Variants in SLC35F3 observed in about 807,000 individuals in gnomAD.
SLC35F3 encodes the protein putative thiamine transporter SLC35F3.
In SLC35F3, 25 loss-of-function variants were observed where a neutral mutation model predicts 49.9. The observed-to-expected ratio is 0.50, with a 90% CI of 0.37 to 0.70. The LOEUF (loss-of-function observed/expected upper bound fraction) is 0.70. SLC35F3 is among the 30% of genes least tolerant of loss of function. The pLI is 0.00. For synonymous variants in SLC35F3, 275 were observed against 265.4 expected, an observed-to-expected ratio of 1.04 and a Z score of -0.35; for missense variants, 525 against 639.8, an observed-to-expected ratio of 0.82 and a Z score of 1.94.
intron 2 of SLC35F3, among the ~76,000 whole-genome samples, chr1:233,947,488 T>G (rs1273841271): frequency 6.6e-6 from 1 of 151,194 alleles, no homozygotes; most frequent in Non-Finnish European, 1.5e-5. Context: ...TCGATCCTGC[T>G]GGGACTCCCA....
chr1:233,944,191 A>G (rs1223852968), intron 2 of SLC35F3, among the ~76,000 whole-genome samples: 1 of 152,222 alleles, frequency 6.6e-6, no homozygotes, highest in Non-Finnish European at 1.5e-5. Flanking sequence ...CCAAAATCAG[A>G]GCTGAACTGA....
At chr1:234,110,480 T>C (rs536901743) in intron 2 of SLC35F3, among the ~76,000 whole-genome samples, 1 of 152,350 alleles carries the variant, frequency 6.6e-6, no homozygotes, top group African/African-American at 2.4e-5. Flanking sequence ...TTTAGCACAG[T>C]GTCTTATACA....
intron 3 of SLC35F3, among the ~76,000 whole-genome samples, chr1:234,259,205 C>T (rs940147559): frequency 1.2e-4 from 19 of 152,176 alleles, no homozygotes; most frequent in Non-Finnish European, 2.5e-4. Flanking sequence ...CTGGAAGATT[C>T]TTATTCCTAT....
chr1:234,003,666 A>G (rs1307316793), intron 2 of SLC35F3, among the ~76,000 whole-genome samples: 1 of 152,220 alleles, frequency 6.6e-6, no homozygotes. Context: ...CTACATTAGC[A>G]TTTAAACCTT....
chr1:234,284,144 A>G (rs1451291254), intron 3 of SLC35F3, among the ~76,000 whole-genome samples: 2 of 152,188 alleles, frequency 1.3e-5, no homozygotes, highest in East Asian at 1.9e-4. Flanking sequence ...GGCTCAAGCA[A>G]TCCTCCCACC....
At chr1:234,044,900 G>C (rs532439139) in intron 2 of SLC35F3, among the ~76,000 whole-genome samples, 196 of 152,234 alleles carry the variant, frequency 1.3e-3, no homozygotes, top group South Asian at 9.1e-3. Context: ...GAGAGTCAGA[G>C]CCCAGTCTCT....
At chr1:233,955,221 G>A (rs1333901062) in intron 2 of SLC35F3, among the ~76,000 whole-genome samples, 3 of 152,182 alleles carry the variant, frequency 2.0e-5, no homozygotes, top group East Asian at 3.8e-4. Flanking sequence ...CAACAGAATT[G>A]ATTCTCAACT....
intron 3 of SLC35F3, among the ~76,000 whole-genome samples, chr1:234,264,809 T>C (rs1667956368): frequency 1.3e-5 from 2 of 152,302 alleles, no homozygotes; most frequent in African/African-American, 4.8e-5. Context: ...CACATCAGCC[T>C]CCTGAGTAGC....
chr1:234,252,498 G>T (rs967155997), intron 3 of SLC35F3, among the ~76,000 whole-genome samples: 2 of 152,096 alleles, frequency 1.3e-5, no homozygotes, highest in African/African-American at 4.8e-5. Context: ...TATGTGTAAC[G>T]CATATGATAA....
intron 2 of SLC35F3, among the ~76,000 whole-genome samples, chr1:234,093,874 G>A (rs1324398782): frequency 6.6e-6 from 1 of 152,252 alleles, no homozygotes; most frequent in Non-Finnish European, 1.5e-5. Flanking sequence ...CAAGTAGGAT[G>A]GGCAAGAAAA....
At chr1:233,925,318 A>T (rs1197926134) in intron 2 of SLC35F3, among the ~76,000 whole-genome samples, 4 of 152,046 alleles carry the variant, frequency 2.6e-5, no homozygotes, top group South Asian at 2.1e-4. Flanking sequence ...TGGGTGCTCC[A>T]GTATTGGGTG....
chr1:233,942,413 CATTTATTTATTTT>C (rs1365267661), intron 2 of SLC35F3, among the ~76,000 whole-genome samples: 2 of 151,936 alleles, frequency 1.3e-5, no homozygotes, highest in African/African-American at 2.4e-5. Flanking sequence ...AACCTTTATT[CATTTATTTATTTT>C]ATTTATTTAT....
intron 2 of SLC35F3, among the ~76,000 whole-genome samples, chr1:233,954,658 T>A (rs1298284584): frequency 6.6e-6 from 1 of 152,160 alleles, no homozygotes; most frequent in African/African-American, 2.4e-5. Flanking sequence ...CTCCCAAAGA[T>A]AAAGGGCTTT....
At chr1:233,926,602 T>G (rs1662164193) in intron 2 of SLC35F3, among the ~76,000 whole-genome samples, 1 of 152,182 alleles carries the variant, frequency 6.6e-6, no homozygotes, top group Non-Finnish European at 1.5e-5. Flanking sequence ...TTGGAGAAGT[T>G]TGTTATTACC....
chr1:233,983,400 C>T (rs1663216811), intron 2 of SLC35F3, among the ~76,000 whole-genome samples: 1 of 152,158 alleles, frequency 6.6e-6, no homozygotes, highest in African/African-American at 2.4e-5. Context: ...ATAATATCCT[C>T]CCTACAAATT....
At chr1:234,098,446 G>A (rs889448521) in intron 2 of SLC35F3, among the ~76,000 whole-genome samples, 11 of 151,488 alleles carry the variant, frequency 7.3e-5, no homozygotes, top group Non-Finnish European at 1.6e-4. Flanking sequence ...GATGGTGGTG[G>A]TAGTGACAGT....
At chr1:234,211,804 T>G (rs894654126) in intron 2 of SLC35F3, among the ~76,000 whole-genome samples, 1 of 152,126 alleles carries the variant, frequency 6.6e-6, no homozygotes, top group Admixed American at 6.5e-5. Context: ...ATTAAGACTT[T>G]GGGGGATAGA....
intron 2 of SLC35F3, among the ~76,000 whole-genome samples, chr1:234,062,385 T>C (rs1371953652): frequency 6.6e-6 from 1 of 152,214 alleles, no homozygotes; most frequent in Non-Finnish European, 1.5e-5. Context: ...GGTTATGTCC[T>C]GGGGGCATAA....
intron 3 of SLC35F3, among the ~76,000 whole-genome samples, chr1:234,295,803 G>C (rs1033420348): frequency 6.6e-6 from 1 of 152,220 alleles, no homozygotes; most frequent in East Asian, 1.9e-4. Context: ...ACAGACACCT[G>C]CCACAGCTGT....
Sources: gnomAD v4.1 joint callset for allele counts (sites outside exome capture counted in the v4.1 genomes callset) on GRCh38, gnomAD v4.1.1 for gene constraint, MANE v1.5 for transcripts, NCBI Gene and HGNC (gene_info 2026-07-23, HGNC 2026-07-21) for gene names.